The following EPCIP variants were observed in gnomAD, a reference collection of about 807,000 sequenced individuals.
The protein encoded by EPCIP is exosomal polycystin 1 interacting protein, also known as exosomal polycystin-1-interacting protein.
At chr21:32,803,320 A>G in the EPCIP span, among the ~76,000 whole-genome samples, 1 of 152,172 alleles carries the variant, frequency 6.6e-6, no homozygotes, top group Admixed American at 6.5e-5. Context: ...CTTATTAGAG[A>G]GATAGCAAGG....
chr21:32,796,146 G>T, the EPCIP span, among the ~76,000 whole-genome samples: 1 of 152,094 alleles, frequency 6.6e-6, no homozygotes, highest in Non-Finnish European at 1.5e-5. Flanking sequence ...ACAACCCAGG[G>T]CCCAGTCCTC....
the EPCIP span, among the ~76,000 whole-genome samples, chr21:32,796,699 C>T: frequency 6.6e-6 from 1 of 152,106 alleles, no homozygotes; most frequent in African/African-American, 2.4e-5. Context: ...GTGTGTCTAC[C>T]CCCTTAGTGA....
At chr21:32,796,003 T>TTCCCTCCTTCCCC in the EPCIP span, among the ~76,000 whole-genome samples, 1 of 24,088 alleles carries the variant, frequency 4.2e-5, no homozygotes, top group African/African-American at 1.0e-4. Context: ...CCTCCTTCCC[T>TTCCCTCCTTCCCC]CTTTCCTTCC....
the EPCIP span, among the ~76,000 whole-genome samples, chr21:32,796,436 CA>C: frequency 6.6e-6 from 1 of 152,198 alleles, no homozygotes; most frequent in South Asian, 2.1e-4. Context: ...AACTGAGAAG[CA>C]CTGTACTGAA....
the EPCIP span, among the ~76,000 whole-genome samples, chr21:32,795,282 A>G: frequency 6.6e-6 from 1 of 152,300 alleles, no homozygotes; most frequent in Non-Finnish European, 1.5e-5. Flanking sequence ...CATATATAAG[A>G]ACTTCTAAAA....
chr21:32,801,743 T>G, the EPCIP span, among the ~76,000 whole-genome samples: 1 of 151,974 alleles, frequency 6.6e-6, no homozygotes, highest in African/African-American at 2.4e-5. Context: ...CTCAGGAAGC[T>G]GAGGCAGCAG....
At chr21:32,809,580 G>A in the EPCIP span, among the ~76,000 whole-genome samples, 1 of 151,798 alleles carries the variant, frequency 6.6e-6, no homozygotes, top group Non-Finnish European at 1.5e-5. Context: ...TAGTGCTCAG[G>A]CTGATCTACA....
chr21:32,792,373 T>C, the EPCIP span, among the ~76,000 whole-genome samples: 1 of 152,218 alleles, frequency 6.6e-6, no homozygotes, highest in Non-Finnish European at 1.5e-5. Flanking sequence ...GATTGAGCCT[T>C]AGATGTTTTT....
At chr21:32,797,201 T>A in the EPCIP span, 1 of 279,596 alleles carries the variant, frequency 3.6e-6, no homozygotes, top group Non-Finnish European at 7.4e-6. Flanking sequence ...GGTAACCCAT[T>A]TATGGAGGCT....
At chr21:32,801,098 A>T in the EPCIP span, among the ~76,000 whole-genome samples, 9 of 152,174 alleles carry the variant, frequency 5.9e-5, no homozygotes, top group African/African-American at 2.2e-4. Context: ...GAAGGAACCG[A>T]CGGCCCTAGA....
the EPCIP span, among the ~76,000 whole-genome samples, chr21:32,808,086 A>T: frequency 6.6e-6 from 1 of 152,232 alleles, no homozygotes; most frequent in African/African-American, 2.4e-5. Flanking sequence ...GATATTTGTG[A>T]GCATCACGAA....
the EPCIP span, among the ~76,000 whole-genome samples, chr21:32,812,866 T>C: frequency 1.3e-5 from 2 of 152,324 alleles, no homozygotes; most frequent in African/African-American, 4.8e-5. Flanking sequence ...CATTTTGAAT[T>C]AAAACATTCC....
At chr21:32,799,833 T>C in the EPCIP span, among the ~76,000 whole-genome samples, 3 of 152,166 alleles carry the variant, frequency 2.0e-5, no homozygotes, top group South Asian at 4.2e-4. Flanking sequence ...TGCCAGCTAC[T>C]CAGGAGGCTG....
the EPCIP span, chr21:32,798,113 T>A: frequency 6.6e-6 from 1 of 152,202 alleles, no homozygotes; most frequent in Admixed American, 6.5e-5. Flanking sequence ...GGTAGGAGGA[T>A]TGTGGGAAGC....
chr21:32,794,050 C>T, the EPCIP span: 1 of 1,614,136 alleles, frequency 6.2e-7, no homozygotes, highest in Non-Finnish European at 8.5e-7. Flanking sequence ...TGATGCGCAG[C>T]CTCTTCAGAC....
chr21:32,802,201 T>C, the EPCIP span, among the ~76,000 whole-genome samples: 1 of 152,238 alleles, frequency 6.6e-6, no homozygotes, highest in African/African-American at 2.4e-5. Context: ...CCCCAATAGA[T>C]GTATCTGTTA....
chr21:32,793,785 A>G, the EPCIP span: 136 of 1,614,092 alleles, frequency 8.4e-5, no homozygotes, highest in Non-Finnish European at 1.1e-4. Flanking sequence ...GTGACAACAT[A>G]GCTTTTGTTG....
chr21:32,794,548 G>A, the EPCIP span: 530 of 888,228 alleles, frequency 6.0e-4, 2 homozygotes, highest in African/African-American at 8.2e-3. Context: ...TATGGAAAAG[G>A]AACCCCAGAA....
At chr21:32,793,783 A>G in the EPCIP span, 2 of 1,614,234 alleles carry the variant, frequency 1.2e-6, no homozygotes, top group South Asian at 1.1e-5. Context: ...ATGTGACAAC[A>G]TAGCTTTTGT....
Sources: gnomAD v4.1 joint callset for allele counts (sites outside exome capture counted in the v4.1 genomes callset) on GRCh38, gnomAD v4.1.1 for gene constraint, MANE v1.5 for transcripts, NCBI Gene and HGNC (gene_info 2026-07-23, HGNC 2026-07-21) for gene names.